Variants in TMEM71 observed in about 807,000 individuals in gnomAD.
TMEM71 encodes the protein transmembrane protein 71.
Under a neutral mutation model 38.0 loss-of-function variants are expected in TMEM71, and 44 were observed. The ratio of observed to expected loss-of-function variants is 1.16; its 90% CI spans 0.91 to 1.49. TMEM71 has a LOEUF of 1.49. Among genes scored for constraint, TMEM71 ranks in the 40% most tolerant of loss-of-function variants. TMEM71 has a pLI of 0.00. For missense variants in TMEM71, 367 were observed against 348.6 expected (o/e 1.05, Z -0.42); for synonymous variants, 133 against 122.5 (o/e 1.09, Z -0.56).
intron 1 of TMEM71, chr8:132,759,588 T>C (rs181823627): frequency 1.3e-5 from 2 of 152,350 alleles, no homozygotes; most frequent in East Asian, 3.9e-4. Flanking sequence ...CAAACTTTGA[T>C]CATTTACTGT....
At chr8:132,758,200 G>A (rs974293106) in intron 2 of TMEM71, 2 of 152,308 alleles carry the variant, frequency 1.3e-5, no homozygotes, top group African/African-American at 4.8e-5. Flanking sequence ...CAAAGGCGTG[G>A]CAACAGACTT....
chr8:132,760,978 A>G (rs1829282245), upstream of TMEM71, among the ~76,000 whole-genome samples: 1 of 152,236 alleles, frequency 6.6e-6, no homozygotes, highest in Admixed American at 6.5e-5. Context: ...CACTGATGCT[A>G]TTAAATTCAG....
intron 4 of TMEM71, among the ~76,000 whole-genome samples, chr8:132,750,863 C>A (rs1207238082): frequency 6.6e-6 from 1 of 152,178 alleles, no homozygotes; most frequent in Non-Finnish European, 1.5e-5. Context: ...AGTGTTCTTC[C>A]TTTGCTTGAC....
chr8:132,757,358 T>A, intron 2 of TMEM71, 64 bp from the exon 3 acceptor site: 1 of 1,228,948 alleles, frequency 8.1e-7, no homozygotes, highest in Non-Finnish European at 1.2e-6. Flanking sequence ...CATATGTTGA[T>A]ACATGTATCA....
intron 2 of TMEM71, 146 bp downstream of exon 2, chr8:132,758,694 C>T (rs1318696333): frequency 7.7e-6 from 5 of 648,198 alleles, no homozygotes; most frequent in Non-Finnish European, 1.1e-5. Context: ...AAAATCATTG[C>T]CAAAGTGAAC....
At chr8:132,746,814 A>T (rs1287928350) in intron 5 of TMEM71, 128 bp downstream of exon 5, 50 of 676,444 alleles carry the variant, frequency 7.4e-5, no homozygotes, top group Admixed American at 3.5e-5. Flanking sequence ...AGTGAATTTT[A>T]AAAATGTGGC....
chr8:132,731,973 G>A (rs1337735641), intron 5 of TMEM71, among the ~76,000 whole-genome samples: 2 of 152,320 alleles, frequency 1.3e-5, no homozygotes, highest in East Asian at 3.9e-4. Flanking sequence ...GAATTGGGAG[G>A]TGGAGCAAAA....
chr8:132,772,913 G>T, the TMEM71 span, among the ~76,000 whole-genome samples: 1 of 152,240 alleles, frequency 6.6e-6, no homozygotes, highest in Non-Finnish European at 1.5e-5. Flanking sequence ...GCCGTTGGTG[G>T]CATGATATTT....
At chr8:132,759,296 A>T (rs78091770) in intron 1 of TMEM71, 170 of 157,472 alleles carry the variant, frequency 1.1e-3, no homozygotes, top group Middle Eastern at 9.7e-3. Context: ...AAACAAACTT[A>T]CGTGTATTTT....
chr8:132,744,946 A>G (rs1184765622), intron 5 of TMEM71, among the ~76,000 whole-genome samples: 1 of 152,208 alleles, frequency 6.6e-6, no homozygotes, highest in Admixed American at 6.5e-5. Context: ...TCTCTATCCA[A>G]TAAATGGAGC....
In TMEM71 at chr8:132,733,560, C is replaced by T. The variant is rs1004182412; in HGVS notation, c.488-5574G>A. On this transcript the variant is annotated intron_variant, in intron 5 of 9. Coordinates refer to ENST00000677595, the MANE Select transcript of TMEM71 (RefSeq NM_001382403.1). ...CCTACTAACCCTGCAGGCTTCCTTG[C>T]ACTGCCTTACACATAGCCTTTGGCA... Among the ~76,000 whole-genome samples, 6 of 152,172 alleles carry T rather than the reference C, an allele frequency of 3.9e-5. 1 individual carries two copies. The South Asian group carries it at 6.2e-4, about 16-fold the overall frequency.
At position 132,743,266 on chromosome 8, in the gene TMEM71, A is replaced by G. The variant is rs141985227; in HGVS notation, c.487+3676T>C. Among the ~76,000 whole-genome samples, 259 of 152,162 alleles carry G rather than the reference A, an allele frequency of 1.7e-3. 1 individual carries two copies. The highest frequency in any genetic ancestry group is 3.0e-3 in the Non-Finnish European group (204 of 68,002). ...ACCTCTCCCTTTCCCTTCCCAGCAG[A>G]CATCAAAGTCTTCTATAGGCCATTC... is the stretch of plus-strand genomic sequence containing the variant. On this transcript the variant is annotated intron_variant, in intron 5 of 9. Coordinates refer to ENST00000677595, the MANE Select transcript of TMEM71 (RefSeq NM_001382403.1).
chr8:132,771,818 C>A, the TMEM71 span, among the ~76,000 whole-genome samples: 3 of 152,032 alleles, frequency 2.0e-5, no homozygotes, highest in Admixed American at 6.6e-5. Context: ...ACATCTCTGC[C>A]AATTCATACA....
At chr8:132,741,196 C>T (rs6997942) in intron 5 of TMEM71, among the ~76,000 whole-genome samples, 1 of 151,988 alleles carries the variant, frequency 6.6e-6, no homozygotes, top group East Asian at 1.9e-4. Flanking sequence ...AACCCTGTCT[C>T]TACTAAAAAT....
Position 132,751,768 on chromosome 8 carries a change from T to C in TMEM71, c.314+17A>G, listed in dbSNP as rs1014358838. On this transcript the variant is annotated intron_variant, in intron 4 of 9. Coordinates refer to ENST00000677595, the MANE Select transcript of TMEM71 (RefSeq NM_001382403.1). ...GGATTGGACTTCAGATTTCTTTCTG[T>C]AATATGCTCTGCTTACCTAACTAAG... 1.1e-5 allele frequency: 17 copies of C among 1,606,890 alleles called. No homozygotes were observed. The highest frequency in any genetic ancestry group is 2.1e-4 in the Middle Eastern group (1 of 4,850).
chr8:132,711,310 T>C (rs544731926), intron 9 of TMEM71, among the ~76,000 whole-genome samples: 2 of 152,276 alleles, frequency 1.3e-5, no homozygotes, highest in East Asian at 1.9e-4. Context: ...TTTTCTGTAT[T>C]ATATCAGTAT....
At chr8:132,726,851 C>CTT (rs766951516) in intron 6 of TMEM71, among the ~76,000 whole-genome samples, 2 of 148,018 alleles carry the variant, frequency 1.4e-5, no homozygotes, top group South Asian at 2.1e-4. Flanking sequence ...TCTTCTTCTT[C>CTT]TTCTTTTTTT....
intron 3 of TMEM71, among the ~76,000 whole-genome samples, chr8:132,756,456 A>G (rs1048562741): frequency 3.0e-5 from 4 of 134,060 alleles, no homozygotes; most frequent in Admixed American, 7.6e-5. Flanking sequence ...TTATTCTATT[A>G]GGCAAGTTTT....
At chr8:132,735,622 G>T (rs1184855828) in intron 5 of TMEM71, among the ~76,000 whole-genome samples, 2 of 152,166 alleles carry the variant, frequency 1.3e-5, no homozygotes. Flanking sequence ...GAAACCATGA[G>T]AATTTTAATA....
Sources: gnomAD v4.1 joint callset for allele counts (sites outside exome capture counted in the v4.1 genomes callset) on GRCh38, gnomAD v4.1.1 for gene constraint, MANE v1.5 for transcripts, NCBI Gene and HGNC (gene_info 2026-07-23, HGNC 2026-07-21) for gene names.